CYFIP2: variants seen among roughly 807,000 people sequenced by gnomAD.
The protein encoded by CYFIP2 is cytoplasmic FMR1-interacting protein 2.
CYFIP2 carries 29 observed loss-of-function variants against 158.7 expected under a neutral mutation model. The ratio of observed to expected loss-of-function variants is 0.18; its 90% confidence interval spans 0.14 to 0.25. The LOEUF (loss-of-function observed/expected upper bound fraction) is 0.25, where lower values mean the gene tolerates loss of function less well. CYFIP2 is among the 10% of genes least tolerant of loss of function. CYFIP2 has a pLI of 1.00. For missense variants in CYFIP2, 852 were observed against 1,639.5 expected (o/e 0.52, Z 8.29); for synonymous variants, 585 against 617.6 (o/e 0.95, Z 0.78).
At chr5:157,390,355 G>C (rs961271814) in intron 29 of CYFIP2, among the ~76,000 whole-genome samples, 166 bp from the exon 30 acceptor site, 1 of 151,788 alleles carries the variant, frequency 6.6e-6, no homozygotes, top group Non-Finnish European at 1.5e-5. Flanking sequence ...TGCAACTAAT[G>C]AACCCACCCT....
chr5:157,286,036 A>G (rs1757349486), intron 2 of CYFIP2, among the ~76,000 whole-genome samples: 1 of 152,204 alleles, frequency 6.6e-6, no homozygotes, highest in Non-Finnish European at 1.5e-5. Flanking sequence ...TTAAGAAAGG[A>G]TATGCTAATT....
chr5:157,339,625 C>T (rs1762098916), intron 22 of CYFIP2, among the ~76,000 whole-genome samples: 1 of 152,192 alleles, frequency 6.6e-6, no homozygotes, highest in African/African-American at 2.4e-5. Context: ...GACAAATGTA[C>T]CATTACAAAC....
intron 23 of CYFIP2, among the ~76,000 whole-genome samples, chr5:157,347,753 C>G (rs554183135): frequency 6.6e-6 from 1 of 152,206 alleles, no homozygotes; most frequent in Middle Eastern, 3.2e-3. Context: ...AAATTTTCCA[C>G]TGTGGAATTA....
At position 157,266,537 on chromosome 5, in the gene CYFIP2, C is replaced by T. The variant is rs1227679612; in HGVS notation, c.-24+342C>T. On this transcript the variant is annotated intron_variant, in intron 1 of 30. Transcript: ENST00000620254. The surrounding 1 kb of genome is among the most constrained non-coding windows in gnomAD (Gnocchi z 4.2). ...CGGTGCTAATCTCAGGGACCGGAGACACCTGCAGCGGCCGCGAGCCCGGCA... is the reference window on the plus strand; with the variant it reads ...CGGTGCTAATCTCAGGGACCGGAGATACCTGCAGCGGCCGCGAGCCCGGCA... The T allele has an allele frequency of 2.0e-5, 3 of 152,386 alleles. No homozygotes were observed. Among genetic ancestry groups the T allele is most frequent in the Non-Finnish European group, 4.4e-5 (3 of 68,214 alleles). The allele number at this position is 152,386 out of a possible 1,614,324, so 9.4% of individuals were successfully genotyped here.
At chr5:157,298,693 G>A (rs753913897) in intron 5 of CYFIP2, among the ~76,000 whole-genome samples, 4 of 151,878 alleles carry the variant, frequency 2.6e-5, no homozygotes, top group African/African-American at 9.7e-5. Flanking sequence ...GAAACCCCAC[G>A]CCCTTTGGCC....
At position 157,393,438 on chromosome 5, in the gene CYFIP2, G is replaced by C. The variant is rs1767507536; in HGVS notation, c.*438G>C. 6.5e-6 allele frequency: 1 copy of C among 154,426 alleles called. No individual in the cohort carries two copies. Among genetic ancestry groups the C allele is most frequent in the East Asian group, 1.9e-4 (1 of 5,250 alleles). The allele number at this position is 154,426 out of a possible 1,614,324, so 9.6% of individuals were successfully genotyped here. On this transcript the variant is annotated 3_prime_UTR_variant, in exon 31 of 31. Transcript: ENST00000620254. ...GATGTGGCCATGCCCAGAGACGCCA[G>C]CCTGGCCAGAAGGGCATGCCTCAGC...
Position 157,311,671 on chromosome 5 carries a change from T to G in CYFIP2, c.1000T>G (p.Cys334Gly), listed in dbSNP as rs1759740106. ...HYEENKSKWTCTQSSISPQYN... is the reference protein window; with the variant it reads ...HYEENKSKWTGTQSSISPQYN... ...CCATAATTTTCTACCCAGGTGGACGTGCACCCAGAGCAGCATCAGCCCCCA... is the reference window on the plus strand; with the variant it reads ...CCATAATTTTCTACCCAGGTGGACGGGCACCCAGAGCAGCATCAGCCCCCA... Residue 334 changes from cysteine (C) to glycine (G), a missense_variant, in exon 11 of 31, where the codon TGC (cysteine) becomes GGC (glycine). Cys to Gly is a radical substitution (Grantham distance 159, BLOSUM62 -3). This residue lies in a region of CYFIP2 where 133 missense variants were observed against 197.1 expected (regional missense o/e 0.67). Transcript: ENST00000620254. This position sits in a 1 kb window ranked among gnomAD's most constrained non-coding sequence, Gnocchi z 4.7. 6.2e-7 allele frequency: 1 copy of G among 1,607,050 alleles called. No individual in the cohort carries two copies. Among genetic ancestry groups the G allele is most frequent in the Non-Finnish European group, 8.5e-7 (1 of 1,176,948 alleles).
At chr5:157,373,940 A>G (rs1765228760) in intron 26 of CYFIP2, among the ~76,000 whole-genome samples, 1 of 152,220 alleles carries the variant, frequency 6.6e-6, no homozygotes, top group South Asian at 2.1e-4. Context: ...AATCATTAAA[A>G]CATATCTAAG....
intron 3 of CYFIP2, among the ~76,000 whole-genome samples, chr5:157,291,146 C>G (rs372601684): frequency 7.6e-4 from 116 of 152,316 alleles, no homozygotes; most frequent in Middle Eastern, 3.4e-3. Context: ...GTGCCCCACC[C>G]CATCCCCAGG....
At chr5:157,346,961 C>T (rs544115387) in intron 23 of CYFIP2, among the ~76,000 whole-genome samples, 14 of 152,160 alleles carry the variant, frequency 9.2e-5, no homozygotes, top group Non-Finnish European at 1.3e-4. Context: ...TTCCTTTCAA[C>T]CTTGTAAGAA....
chr5:157,297,180 A>C (rs1758320158), intron 5 of CYFIP2, among the ~76,000 whole-genome samples: 1 of 152,224 alleles, frequency 6.6e-6, no homozygotes, highest in South Asian at 2.1e-4. Flanking sequence ...ACCAGGAGGA[A>C]AGGTTTCAGG....
Position 157,312,923 on chromosome 5 carries a change from G to C in CYFIP2, c.1110+1142G>C, listed in dbSNP as rs1759858236. ...AAATAGATCTCATTATGTTGCCCAGGCTGGTCTTGTACTCCTGGACTCAAG... is the reference window on the plus strand; with the variant it reads ...AAATAGATCTCATTATGTTGCCCAGCCTGGTCTTGTACTCCTGGACTCAAG... On this transcript the variant is annotated intron_variant, in intron 11 of 30. Coordinates refer to ENST00000620254, the MANE Select transcript of CYFIP2 (RefSeq NM_001037333.3). 2.0e-5 allele frequency among the ~76,000 whole-genome samples: 3 copies of C among 151,940 alleles called. No homozygotes were observed. In the South Asian group the frequency reaches 6.2e-4, roughly 31 times the overall value.
At chr5:157,298,662 A>G (rs1330298578) in intron 5 of CYFIP2, among the ~76,000 whole-genome samples, 1 of 151,938 alleles carries the variant, frequency 6.6e-6, no homozygotes, top group Non-Finnish European at 1.5e-5. Context: ...CAATTTTAGA[A>G]CATCTTCATT....
At position 157,311,761 on chromosome 5, in the gene CYFIP2, G is replaced by A. The variant is rs760249068; in HGVS notation, c.1090G>A (p.Ala364Thr). ...CCACATCCGCTTCATCTCCGAGCTCGCTCGCTACAGCAACAGTGAGGTGAG... is the reference window on the plus strand; with the variant it reads ...CCACATCCGCTTCATCTCCGAGCTCACTCGCTACAGCAACAGTGAGGTGAG... ...DDHIRFISEL[A>T]RYSNSEVVTG... Residue 364 changes from alanine to threonine, a missense_variant, in exon 11 of 31, where the codon GCT (alanine) becomes ACT (threonine). Ala to Thr is a moderately conservative substitution (Grantham distance 58). Coordinates refer to ENST00000620254, the MANE Select transcript of CYFIP2 (RefSeq NM_001037333.3). The surrounding 1 kb of genome is among the most constrained non-coding windows in gnomAD (Gnocchi z 4.7). The A allele has an allele frequency of 3.8e-6, 6 of 1,598,134 alleles. No homozygotes were observed. Among genetic ancestry groups the A allele is most frequent in the Admixed American group, 1.7e-5 (1 of 57,380 alleles).
chr5:157,336,676 C>T (rs10043769), intron 21 of CYFIP2, among the ~76,000 whole-genome samples: 70,663 of 152,098 alleles, frequency 0.46, 18,263 homozygotes, highest in African/African-American at 0.71. Context: ...AAGTTGCCCA[C>T]TGGGGTGTTT....
At chr5:157,380,584 A>T (rs1765951532) in intron 26 of CYFIP2, among the ~76,000 whole-genome samples, 1 of 152,238 alleles carries the variant, frequency 6.6e-6, no homozygotes, top group Non-Finnish European at 1.5e-5. Context: ...CATTACCCTA[A>T]TACCAAAACC....
At position 157,348,748 on chromosome 5, in the gene CYFIP2, G is replaced by A. The variant is rs141967439; in HGVS notation, c.2673+7591G>A. Among the ~76,000 whole-genome samples the A allele has an allele frequency of 4.3e-3, 653 of 152,064 alleles. 2 individuals carry two copies. Among genetic ancestry groups the A allele is most frequent in the African/African-American group, 0.015 (615 of 41,484 alleles). On this transcript the variant is annotated intron_variant, in intron 23 of 30. Transcript: ENST00000620254. ...ATTTTTGTATTTTTAGTAGATATGA[G>A]ATCAGATAGTTGCTCTGCGGCTTTC... is the stretch of plus-strand genomic sequence containing the variant.
intron 30 of CYFIP2, among the ~76,000 whole-genome samples, chr5:157,391,798 G>A (rs1300355895): frequency 5.3e-5 from 8 of 151,940 alleles, no homozygotes; most frequent in Admixed American, 4.6e-4. Flanking sequence ...ACCTGGACGT[G>A]GAATTGCTGG....
intron 23 of CYFIP2, chr5:157,341,962 A>T (rs1161574858): frequency 1.3e-5 from 2 of 152,404 alleles, no homozygotes; most frequent in Non-Finnish European, 1.5e-5. Flanking sequence ...TGACTCGCAA[A>T]GTAAAAACAG....
Sources: gnomAD v4.1 joint callset for allele counts (sites outside exome capture counted in the v4.1 genomes callset) on GRCh38, gnomAD v4.1.1 for gene constraint, gnomAD v4.1.1 regional missense constraint, Gnocchi (gnomAD v3.1) non-coding constraint, MANE v1.5 for transcripts, NCBI Gene and HGNC (gene_info 2026-07-23, HGNC 2026-07-21) for gene names.